Variants in PHF24 observed in about 807,000 individuals in gnomAD.
PHF24 encodes the protein PHD finger protein 24.
In PHF24, 25 loss-of-function variants were observed where a neutral mutation model predicts 42.6. The ratio of observed to expected loss-of-function variants is 0.59; its 90% confidence interval spans 0.43 to 0.82. The LOEUF (loss-of-function observed/expected upper bound fraction) is 0.82. PHF24 is among the 40% of genes least tolerant of loss of function. PHF24 has a pLI of 0.00. For missense variants in PHF24, 470 were observed against 538.1 expected, an observed-to-expected ratio of 0.87 and a Z score of 1.25; for synonymous variants, 185 against 204.8, an observed-to-expected ratio of 0.90 and a Z score of 0.83.
At chr9:34,763,884 T>C in the PHF24 span, among the ~76,000 whole-genome samples, 1 of 152,216 alleles carries the variant, frequency 6.6e-6, no homozygotes, top group African/African-American at 2.4e-5. Flanking sequence ...CAATACCTAA[T>C]TTGTTGAGAG....
At chr9:34,981,930 G>A (rs1827406416) in exon 8 of PHF24, 1 of 152,020 alleles carries the variant, frequency 6.6e-6, no homozygotes, top group South Asian at 2.1e-4. Flanking sequence ...CCCTGGTGTA[G>A]GGTGGGACTG....
chr9:34,727,032 G>T, the PHF24 span: 1 of 1,523,154 alleles, frequency 6.6e-7, no homozygotes, highest in Non-Finnish European at 8.8e-7. Flanking sequence ...AGTGACATCT[G>T]CCTTCTTGGA....
At chr9:34,955,926 G>GA (rs1332267599), upstream of PHF24, among the ~76,000 whole-genome samples, 1 of 152,100 alleles carries the variant, frequency 6.6e-6, no homozygotes, top group African/African-American at 2.4e-5. Flanking sequence ...CTCAACATGA[G>GA]AAAAACTGCA....
chr9:34,977,710 G>T, intron 7 of PHF24, 69 bp downstream of exon 7: 2 of 1,323,154 alleles, frequency 1.5e-6, no homozygotes, highest in Non-Finnish European at 2.1e-6. Flanking sequence ...AGTAAGAGAG[G>T]GCATTACCCA....
At chr9:34,834,467 T>C in the PHF24 span, 2 of 1,551,920 alleles carry the variant, frequency 1.3e-6, no homozygotes, top group Admixed American at 2.0e-5. Context: ...GATGGACTGC[T>C]GGATCTTCTG....
the PHF24 span, among the ~76,000 whole-genome samples, chr9:34,886,634 T>C: frequency 1.3e-5 from 2 of 152,184 alleles, no homozygotes; most frequent in Admixed American, 1.3e-4. Flanking sequence ...GTTCTTCCTC[T>C]TCTTCTCAAT....
At chr9:34,980,770 G>A (rs2067560313) in exon 8 of PHF24, 1 of 152,236 alleles carries the variant, frequency 6.6e-6, no homozygotes. Flanking sequence ...AAGGGTATGA[G>A]AAAATGTTTC....
the PHF24 span, among the ~76,000 whole-genome samples, chr9:34,822,387 T>C: frequency 6.6e-6 from 1 of 152,336 alleles, no homozygotes; most frequent in South Asian, 2.1e-4. Flanking sequence ...CCTTTGTCTT[T>C]TTAAAATAGA....
chr9:34,832,857 G>A, the PHF24 span: 1 of 1,551,706 alleles, frequency 6.4e-7, no homozygotes, highest in Non-Finnish European at 8.7e-7. Context: ...GCTGGTTCAA[G>A]GATGACAGTT....
At chr9:34,803,114 A>G in the PHF24 span, among the ~76,000 whole-genome samples, 1 of 152,170 alleles carries the variant, frequency 6.6e-6, no homozygotes, top group African/African-American at 2.4e-5. Flanking sequence ...TGCAGAAAGA[A>G]CACAGATACA....
the PHF24 span, among the ~76,000 whole-genome samples, chr9:34,685,472 G>A: frequency 5.3e-5 from 8 of 152,164 alleles, no homozygotes; most frequent in Non-Finnish European, 1.2e-4. Context: ...TCAAGTGTTA[G>A]GACCCCACCT....
At chr9:34,790,085 C>T in the PHF24 span, among the ~76,000 whole-genome samples, 1 of 152,144 alleles carries the variant, frequency 6.6e-6, no homozygotes, top group African/African-American at 2.4e-5. Context: ...TAGCCTCAGG[C>T]GATCCTCCAC....
At chr9:34,861,970 G>A in the PHF24 span, among the ~76,000 whole-genome samples, 9 of 152,180 alleles carry the variant, frequency 5.9e-5, no homozygotes, top group African/African-American at 1.7e-4. Flanking sequence ...TTGCAGTCCT[G>A]GAGGCTGGGA....
chr9:34,877,852 T>A, the PHF24 span, among the ~76,000 whole-genome samples: 1 of 152,102 alleles, frequency 6.6e-6, no homozygotes, highest in Non-Finnish European at 1.5e-5. Flanking sequence ...ATTAGGTATT[T>A]CTCTTAATGC....
At chr9:34,961,067 G>T (rs1273519566) in intron 1 of PHF24, among the ~76,000 whole-genome samples, 1 of 152,026 alleles carries the variant, frequency 6.6e-6, no homozygotes, top group South Asian at 2.1e-4. Flanking sequence ...CTTCAACATG[G>T]ATAGTAAGAC....
the PHF24 span, among the ~76,000 whole-genome samples, chr9:34,909,982 T>C: frequency 5.3e-4 from 80 of 152,348 alleles, no homozygotes; most frequent in Middle Eastern, 3.4e-3. Flanking sequence ...GGAGTGATTG[T>C]TTTGTTTCAT....
the PHF24 span, among the ~76,000 whole-genome samples, chr9:34,820,331 C>A: frequency 6.6e-6 from 1 of 151,978 alleles, no homozygotes; most frequent in South Asian, 2.1e-4. Context: ...TATTTCATCA[C>A]CCAGGTAATA....
At chr9:34,940,632 C>T in the PHF24 span, among the ~76,000 whole-genome samples, 3 of 152,144 alleles carry the variant, frequency 2.0e-5, no homozygotes, top group Admixed American at 2.0e-4. Context: ...ATAACCTTGG[C>T]AGGTCTTGGT....
the PHF24 span, among the ~76,000 whole-genome samples, chr9:34,784,064 G>A: frequency 8.7e-4 from 133 of 152,294 alleles, 1 homozygote; most frequent in African/African-American, 3.1e-3. Flanking sequence ...CTCTGTGCTC[G>A]AGTCAGTGCC....
Sources: allele counts gnomAD v4.1 joint callset (sites outside exome capture counted in the v4.1 genomes callset), GRCh38; gene constraint gnomAD v4.1.1; transcripts MANE v1.5; gene names NCBI Gene and HGNC (gene_info 2026-07-23, HGNC 2026-07-21).